The following ENTPD1 variants were observed in gnomAD, a reference collection of about 807,000 sequenced individuals.
ENTPD1 encodes the protein ectonucleoside triphosphate diphosphohydrolase 1.
ENTPD1 carries 33 observed loss-of-function variants against 57.0 expected under a neutral mutation model. That is an observed-to-expected ratio of 0.58 (90% CI 0.44 to 0.77). ENTPD1 has a LOEUF of 0.77. Ranked by LOEUF, ENTPD1 falls within the 30% of genes least tolerant of loss-of-function variation. The pLI is 0.00. For missense variants in ENTPD1, 501 were observed against 603.4 expected (o/e 0.83, Z 1.78); for synonymous variants, 202 against 218.8 (o/e 0.92, Z 0.68).
At chr10:95,839,584 A>G (rs962418750) in intron 2 of ENTPD1, 107 bp from the exon 3 acceptor site, 7 of 1,134,260 alleles carry the variant, frequency 6.2e-6, no homozygotes, top group Non-Finnish European at 9.4e-6. Flanking sequence ...GTTCCTCTCA[A>G]ATACTTTCTC....
At chr10:95,841,111 G>A (rs1416706805) in intron 3 of ENTPD1, among the ~76,000 whole-genome samples, 1 of 152,130 alleles carries the variant, frequency 6.6e-6, no homozygotes, top group Non-Finnish European at 1.5e-5. Flanking sequence ...TAATGGCCAA[G>A]CACGGTGGCT....
chr10:95,838,653 G>A (rs11574649), intron 2 of ENTPD1, among the ~76,000 whole-genome samples: 74 of 152,174 alleles, frequency 4.9e-4, no homozygotes, highest in Admixed American at 1.5e-3. Flanking sequence ...GAGGGGCACT[G>A]GGAAGCCTTA....
intron 1 of ENTPD1, among the ~76,000 whole-genome samples, chr10:95,747,941 G>C (rs2098007811): frequency 6.6e-6 from 1 of 150,912 alleles, no homozygotes; most frequent in South Asian, 2.1e-4. Context: ...GCACCATCTC[G>C]GCTCACTGCA....
Position 95,872,209 on chromosome 10 carries a change from C to CA in ENTPD1, c.*5829dup. ...TCTGTTGCTGCTAGATTAATCTTTG[C>CA]AAAGCACAGGCTTAATTTCATTGCT... On this transcript the variant is annotated 3_prime_UTR_variant, in exon 10 of 10. Transcript: ENST00000371205. 1.0e-6 allele frequency: 1 copy of CA among 985,448 alleles called. No individual in the cohort carries two copies. Among genetic ancestry groups the CA allele is most frequent in the Non-Finnish European group, 1.2e-6 (1 of 829,934 alleles). 61.0% of individuals were successfully genotyped at this position (985,448 alleles called of 1,614,324 possible). A position where few individuals can be genotyped will look rare whatever the true frequency, so the allele number is the denominator to read the frequency against.
Position 95,866,905 on chromosome 10 carries a change from T to C in ENTPD1, c.*522T>C, listed in dbSNP as rs148997712. ...CTGCTCTGTGGGTAGGAGAATTTTC[T>C]ACAGTAGGCAAATATGTGCTAAAGC... On this transcript the variant is annotated 3_prime_UTR_variant, in exon 10 of 10. Coordinates refer to ENST00000371205, the MANE Select transcript of ENTPD1 (RefSeq NM_001776.6). 16 of 1,019,984 alleles carry C rather than the reference T, an allele frequency of 1.6e-5. No individual in the cohort carries two copies. Among genetic ancestry groups the C allele is most frequent in the Admixed American group, 5.1e-5 (1 of 19,770 alleles). 63.2% of individuals were successfully genotyped at this position (1,019,984 alleles called of 1,614,324 possible).
chr10:95,724,045 C>T (rs1306673931), intron 1 of ENTPD1, among the ~76,000 whole-genome samples: 2 of 151,606 alleles, frequency 1.3e-5, no homozygotes, highest in Non-Finnish European at 2.9e-5. Flanking sequence ...ACCTGTAGTC[C>T]CAGCTGCTGG....
At chr10:95,806,885 G>A (rs537631409) in intron 1 of ENTPD1, among the ~76,000 whole-genome samples, 5 of 152,120 alleles carry the variant, frequency 3.3e-5, no homozygotes, top group African/African-American at 9.6e-5. Flanking sequence ...TGGAAGCTTC[G>A]TCCCAAAAGG....
chr10:95,821,050 GTTATAT>G (rs1409656313), intron 1 of ENTPD1, among the ~76,000 whole-genome samples: 4 of 152,298 alleles, frequency 2.6e-5, no homozygotes, highest in East Asian at 3.9e-4. Context: ...TTTGTTTGTT[GTTATAT>G]TTATAATTGG....
Position 95,727,257 on chromosome 10 carries a change from A to G in ENTPD1, c.37+15264A>G, listed in dbSNP as rs886868924. ...GGAGAGACTCATTTAATCAAGACCAACTCTTGTATTATTAACAAGACTAGA... is the reference window on the plus strand; with the variant it reads ...GGAGAGACTCATTTAATCAAGACCAGCTCTTGTATTATTAACAAGACTAGA... On this transcript the variant is annotated intron_variant, in intron 1 of 9. Transcript: ENST00000453258. Among the ~76,000 whole-genome samples the G allele has an allele frequency of 2.0e-5, 3 of 152,018 alleles. 1 individual carries two copies. Among genetic ancestry groups the G allele is most frequent in the Non-Finnish European group, 4.4e-5 (3 of 68,000 alleles).
intron 1 of ENTPD1, among the ~76,000 whole-genome samples, chr10:95,812,323 A>G (rs909429482): frequency 1.3e-4 from 20 of 152,348 alleles, no homozygotes; most frequent in African/African-American, 4.3e-4. Context: ...TATCATATCA[A>G]TGAAAGCACA....
intron 1 of ENTPD1, among the ~76,000 whole-genome samples, chr10:95,733,579 A>T (rs1332555444): frequency 6.6e-6 from 1 of 152,214 alleles, no homozygotes; most frequent in African/African-American, 2.4e-5. Flanking sequence ...AGAAATTATA[A>T]AAGTTTTAAT....
chr10:95,799,512 A>G (rs1243732112), intron 1 of ENTPD1, among the ~76,000 whole-genome samples: 2 of 152,120 alleles, frequency 1.3e-5, no homozygotes, highest in Non-Finnish European at 2.9e-5. Flanking sequence ...TCTGTGGTGT[A>G]TATGTACCAC....
At chr10:95,842,216 A>T in intron 3 of ENTPD1, 128 bp from the exon 4 acceptor site, 1 of 819,140 alleles carries the variant, frequency 1.2e-6, no homozygotes, top group Non-Finnish European at 1.9e-6. Context: ...ACAATAACCT[A>T]ATGTATAGTA....
chr10:95,768,073 C>T (rs1445074236), intron 1 of ENTPD1, among the ~76,000 whole-genome samples: 1 of 152,230 alleles, frequency 6.6e-6, no homozygotes, highest in Non-Finnish European at 1.5e-5. Context: ...TGGAACTTCC[C>T]AGCCTCCAGA....
chr10:95,778,673 T>C (rs2098143700), intron 1 of ENTPD1, among the ~76,000 whole-genome samples: 1 of 152,212 alleles, frequency 6.6e-6, no homozygotes, highest in Admixed American at 6.5e-5. Context: ...AAATCTTGTT[T>C]TTATTTTCTG....
intron 2 of ENTPD1, among the ~76,000 whole-genome samples, chr10:95,823,954 G>A (rs1376823205): frequency 2.6e-5 from 4 of 152,152 alleles, no homozygotes; most frequent in Non-Finnish European, 5.9e-5. Context: ...GATTTCTTGT[G>A]ACATTTCTAC....
intron 7 of ENTPD1, among the ~76,000 whole-genome samples, chr10:95,854,438 T>G (rs1380038945): frequency 6.6e-6 from 1 of 152,232 alleles, no homozygotes; most frequent in Non-Finnish European, 1.5e-5. Context: ...TTCCTTCAGT[T>G]CTGCTGTGAT....
chr10:95,790,704 A>C (rs1441083446), intron 1 of ENTPD1, among the ~76,000 whole-genome samples: 1 of 152,172 alleles, frequency 6.6e-6, no homozygotes, highest in Non-Finnish European at 1.5e-5. Flanking sequence ...TTTACTTGTA[A>C]GTACTTCAGT....
At position 95,874,163 on chromosome 10, in the gene ENTPD1, G is replaced by T. The variant is rs1263527335; in HGVS notation, c.*7780G>T. Among the ~76,000 whole-genome samples the T allele has an allele frequency of 6.6e-6, 1 of 152,052 alleles. No homozygotes were observed. The highest frequency in any genetic ancestry group is 6.6e-5 in the Admixed American group (1 of 15,252). ...TTCAGCATTAACCCAAAAGTCCACA[G>T]TCCAAAGTCTCATCTGAGACAAGGC... On this transcript the variant is annotated 3_prime_UTR_variant, in exon 10 of 10. Transcript: ENST00000371205.
Sources: gnomAD v4.1 joint callset for allele counts (sites outside exome capture counted in the v4.1 genomes callset) on GRCh38, gnomAD v4.1.1 for gene constraint, MANE v1.5 for transcripts, NCBI Gene and HGNC (gene_info 2026-07-23, HGNC 2026-07-21) for gene names.